PDE9A: variants seen among roughly 807,000 people sequenced by gnomAD.
PDE9A encodes the protein high affinity cGMP-specific 3',5'-cyclic phosphodiesterase 9A.
In PDE9A, 60 loss-of-function variants were observed where a neutral mutation model predicts 87.4. That is an observed-to-expected ratio of 0.69 (90% CI 0.56 to 0.85). The LOEUF (loss-of-function observed/expected upper bound fraction) is 0.85, where lower values mean the gene tolerates loss of function less well. Among genes scored for constraint, PDE9A ranks in the 40% least tolerant of loss-of-function variants. The pLI is 0.00. For missense variants in PDE9A, 665 were observed against 779.0 expected, an observed-to-expected ratio of 0.85 and a Z score of 1.74; for synonymous variants, 272 against 279.4, an observed-to-expected ratio of 0.97 and a Z score of 0.27.
At chr21:42,765,289 A>G in intron 14 of PDE9A, 92 bp from the exon 15 acceptor site, 1 of 660,852 alleles carries the variant, frequency 1.5e-6, no homozygotes. Flanking sequence ...TACATGAAAT[A>G]ATGTGTGCAG....
intron 8 of PDE9A, among the ~76,000 whole-genome samples, chr21:42,746,658 G>A (rs947547945): frequency 3.9e-5 from 6 of 152,322 alleles, no homozygotes; most frequent in African/African-American, 1.2e-4. Flanking sequence ...ACAACTTTTG[G>A]GGGGAGATGT....
At chr21:42,753,816 A>G (rs2147016339) in intron 9 of PDE9A, among the ~76,000 whole-genome samples, 174 bp from the exon 10 acceptor site, 1 of 149,884 alleles carries the variant, frequency 6.7e-6, no homozygotes, top group African/African-American at 2.5e-5. Flanking sequence ...GTGAGCCAAG[A>G]TCGCACCACT....
chr21:42,769,258 C>T (rs551351916), intron 17 of PDE9A, 103 bp downstream of exon 17: 91 of 1,118,702 alleles, frequency 8.1e-5, no homozygotes, highest in Non-Finnish European at 1.1e-4. Flanking sequence ...TACACACAGA[C>T]ACACACTCAT....
At chr21:42,658,261 G>T (rs372065056) in intron 1 of PDE9A, among the ~76,000 whole-genome samples, 1 of 152,240 alleles carries the variant, frequency 6.6e-6, no homozygotes, top group Admixed American at 6.5e-5. Flanking sequence ...AGTGCTTGGA[G>T]TCCAGGCCTC....
chr21:42,675,045 G>A lies in PDE9A; in HGVS notation c.70-11147G>A, dbSNP rs549239003. On this transcript the variant is annotated intron_variant, in intron 1 of 19. Transcript: ENST00000291539. This position sits in a 1 kb window ranked among gnomAD's most constrained non-coding sequence, Gnocchi z 4.3. ...CATCCCCCACTACCCAGAGAAAACC[G>A]CTGTTAACACCGAAGTGCCACAGTT... 7.2e-5 allele frequency among the ~76,000 whole-genome samples: 11 copies of A among 152,278 alleles called. No individual in the cohort carries two copies. The South Asian group carries it at 2.3e-3, about 32-fold the overall frequency.
At chr21:42,683,543 C>G (rs1220950513) in intron 1 of PDE9A, among the ~76,000 whole-genome samples, 2 of 152,218 alleles carry the variant, frequency 1.3e-5, no homozygotes, top group East Asian at 3.9e-4. Context: ...AGTCAAGGAT[C>G]CCCCCAGGCC....
At chr21:42,662,894 ACACAC>A (rs1399418281) in intron 1 of PDE9A, among the ~76,000 whole-genome samples, 6 of 125,702 alleles carry the variant, frequency 4.8e-5, no homozygotes, top group African/African-American at 2.4e-4. Context: ...ACACACAAAA[ACACAC>A]CACACACACC....
intron 4 of PDE9A, among the ~76,000 whole-genome samples, chr21:42,715,250 A>G: frequency 7.4e-6 from 1 of 135,226 alleles, no homozygotes; most frequent in South Asian, 2.3e-4. Context: ...GGCAAAATTG[A>G]GTGAAAAGTG....
chr21:42,721,242 C>CA (rs1323466739), intron 4 of PDE9A, among the ~76,000 whole-genome samples: 1 of 152,134 alleles, frequency 6.6e-6, no homozygotes, highest in Non-Finnish European at 1.5e-5. Flanking sequence ...GTAAACGATA[C>CA]AAAATGTGAA....
intron 19 of PDE9A, among the ~76,000 whole-genome samples, chr21:42,773,527 G>T (rs1306091436): frequency 1.3e-5 from 2 of 152,008 alleles, no homozygotes; most frequent in South Asian, 2.1e-4. Flanking sequence ...CACACTAATG[G>T]CCAGGCACGG....
At position 42,762,195 on chromosome 21, in the gene PDE9A, ATCT is replaced by A; in HGVS notation, c.1202_1204del (p.Phe401del). On this transcript the variant is annotated inframe_deletion, in exon 14 of 20. Transcript: ENST00000291539. Reference sequence around the variant, plus strand: ...GATCCTCGCCGAGCCTGAGTGCAACATCTTCTCCAACATCCCACCTGATGGGTT... The same window carrying A: ...GATCCTCGCCGAGCCTGAGTGCAACATCTCCAACATCCCACCTGATGGGTT... 6.2e-7 allele frequency: 1 copy of A among 1,614,126 alleles called. No homozygotes were observed. The highest frequency in any genetic ancestry group is 8.5e-7 in the Non-Finnish European group (1 of 1,179,998).
chr21:42,768,143 G>T, intron 15 of PDE9A, 45 bp from the exon 16 acceptor site: 1 of 1,143,090 alleles, frequency 8.7e-7, no homozygotes. Flanking sequence ...CAGCAGGCCC[G>T]TGTTCTACCT....
chr21:42,730,523 T>G (rs1021383609), intron 4 of PDE9A, among the ~76,000 whole-genome samples: 1 of 152,148 alleles, frequency 6.6e-6, no homozygotes, highest in African/African-American at 2.4e-5. Context: ...AAGCAAACAT[T>G]TTTAAATAAA....
At chr21:42,744,183 T>C (rs1369835801) in intron 8 of PDE9A, among the ~76,000 whole-genome samples, 1 of 152,004 alleles carries the variant, frequency 6.6e-6, no homozygotes, top group Non-Finnish European at 1.5e-5. Context: ...TGAAACCCCG[T>C]CTCTACTAAA....
intron 1 of PDE9A, among the ~76,000 whole-genome samples, chr21:42,662,873 C>G (rs2057665856): frequency 1.4e-5 from 2 of 145,018 alleles, no homozygotes; most frequent in African/African-American, 2.6e-5. Context: ...CACGTACACA[C>G]CACACACAGC....
At chr21:42,661,585 AGCG>A (rs2057497778) in intron 1 of PDE9A, among the ~76,000 whole-genome samples, 1 of 152,106 alleles carries the variant, frequency 6.6e-6, no homozygotes, top group South Asian at 2.1e-4. Context: ...TTTAAGGCCG[AGCG>A]GTATTCCATT....
intron 1 of PDE9A, among the ~76,000 whole-genome samples, chr21:42,670,467 CAT>C (rs529063175): frequency 8.6e-5 from 13 of 151,952 alleles, no homozygotes; most frequent in South Asian, 6.2e-4. Context: ...CAGACTTGCA[CAT>C]AGACTTACAC....
intron 7 of PDE9A, among the ~76,000 whole-genome samples, chr21:42,740,638 GATGA>G (rs1221604164): frequency 1.3e-5 from 2 of 150,204 alleles, no homozygotes; most frequent in Non-Finnish European, 3.0e-5. Context: ...TGGATACATA[GATGA>G]ATGGATGGAT....
At chr21:42,663,591 C>T (rs980959013) in intron 1 of PDE9A, among the ~76,000 whole-genome samples, 1 of 150,802 alleles carries the variant, frequency 6.6e-6, no homozygotes. Flanking sequence ...AGCAGACAGG[C>T]CTGGCAGTGC....
Sources: allele counts gnomAD v4.1 joint callset (sites outside exome capture counted in the v4.1 genomes callset), GRCh38; gene constraint gnomAD v4.1.1; non-coding constraint Gnocchi (gnomAD v3.1); transcripts MANE v1.5; gene names NCBI Gene and HGNC (gene_info 2026-07-23, HGNC 2026-07-21).